PLAC8L1: variants seen among roughly 807,000 people sequenced by gnomAD.
PLAC8L1 encodes PLAC8-like protein 1.
PLAC8L1 carries 13 observed loss-of-function variants against 16.3 expected under a neutral mutation model. The observed-to-expected ratio is 0.80, with a 90% confidence interval of 0.52 to 1.27. PLAC8L1 has a LOEUF of 1.27. Among genes scored for constraint, PLAC8L1 ranks in the 50% most tolerant of loss-of-function variants. PLAC8L1 has a pLI of 0.00. For missense variants in PLAC8L1, 184 were observed against 220.2 expected, an observed-to-expected ratio of 0.84 and a Z score of 1.04; for synonymous variants, 78 against 79.3, an observed-to-expected ratio of 0.98 and a Z score of 0.09.
At chr5:146,089,984 C>G (rs1358009474) in intron 2 of PLAC8L1, among the ~76,000 whole-genome samples, 1 of 151,934 alleles carries the variant, frequency 6.6e-6, no homozygotes, top group Non-Finnish European at 1.5e-5. Flanking sequence ...GGTGATCCGC[C>G]CGCTTCAGCC....
intron 1 of PLAC8L1, 22 bp downstream of exon 1, chr5:146,104,170 GA>G: frequency 6.2e-7 from 1 of 1,610,836 alleles, no homozygotes. Context: ...AAAGCTAGGG[GA>G]AAAACTCACC....
rs762462372 is a variant in PLAC8L1, at chr5:146,085,504, G to A, written c.350C>T (p.Thr117Ile). The change falls in exon 3 of 4, where the codon ACC (threonine) becomes ATC (isoleucine). Residue 117 changes from threonine to isoleucine, a missense_variant. Physicochemically the swap from Thr to Ile is moderately conservative, Grantham distance 89 (BLOSUM62 -1). Transcript: ENST00000311450. ...CLCWPLLPGS[T>I]FALRIGTRER... ...CCTGGTGCCAATTCTCAGTGCAAAG[G>A]TGGACCCAGGTAACAACGGCCAACA... 130 of 1,613,984 alleles carry A rather than the reference G, an allele frequency of 8.1e-5. No individual in the cohort carries two copies. The highest frequency in any genetic ancestry group is 1.0e-4 in the Non-Finnish European group (122 of 1,180,026).
intron 2 of PLAC8L1, among the ~76,000 whole-genome samples, chr5:146,087,513 T>C (rs1763536788): frequency 6.6e-6 from 1 of 152,200 alleles, no homozygotes; most frequent in South Asian, 2.1e-4. Flanking sequence ...ATTTTGTTTA[T>C]TTATTTATGT....
chr5:146,103,139 A>T (rs1478727098), intron 1 of PLAC8L1, among the ~76,000 whole-genome samples: 1 of 152,148 alleles, frequency 6.6e-6, no homozygotes. Context: ...GATTGCTTAA[A>T]TCCATGAGCA....
chr5:146,095,584 A>G (rs931317295), intron 2 of PLAC8L1, among the ~76,000 whole-genome samples: 2 of 152,218 alleles, frequency 1.3e-5, no homozygotes, highest in Non-Finnish European at 2.9e-5. Flanking sequence ...TTTTTTTTAA[A>G]TAACAGTAGT....
intron 1 of PLAC8L1, among the ~76,000 whole-genome samples, chr5:146,102,113 C>T (rs904197475): frequency 2.8e-5 from 4 of 142,536 alleles, no homozygotes; most frequent in African/African-American, 1.0e-4. Flanking sequence ...TGGAGTTGAG[C>T]GGCATGATCA....
intron 2 of PLAC8L1, among the ~76,000 whole-genome samples, chr5:146,097,449 A>G (rs1194552369): frequency 2.6e-5 from 4 of 152,040 alleles, no homozygotes; most frequent in Non-Finnish European, 4.4e-5. Context: ...CTATCCATTA[A>G]CCTCCCATCT....
intron 2 of PLAC8L1, among the ~76,000 whole-genome samples, chr5:146,088,847 A>T (rs937621525): frequency 6.6e-6 from 1 of 152,216 alleles, no homozygotes; most frequent in African/African-American, 2.4e-5. Context: ...ATTTACTGAG[A>T]GTACAGAGTA....
chr5:146,103,528 A>G (rs1250752690), intron 1 of PLAC8L1, among the ~76,000 whole-genome samples: 1 of 152,146 alleles, frequency 6.6e-6, no homozygotes, highest in Non-Finnish European at 1.5e-5. Context: ...CCCAGGACCA[A>G]GGGTTTTCCC....
At chr5:146,085,064 T>C (rs1309557921) in intron 3 of PLAC8L1, among the ~76,000 whole-genome samples, 1 of 140,826 alleles carries the variant, frequency 7.1e-6, no homozygotes, top group African/African-American at 2.4e-5. Context: ...TATACATATA[T>C]AGTCTTTTAA....
chr5:146,091,744 A>G (rs1006197738), intron 2 of PLAC8L1, among the ~76,000 whole-genome samples: 6 of 152,174 alleles, frequency 3.9e-5, no homozygotes, highest in East Asian at 1.9e-4. Flanking sequence ...CGCGGTTACA[A>G]TGAGCTGTAA....
intron 2 of PLAC8L1, among the ~76,000 whole-genome samples, chr5:146,094,902 A>C (rs1452592276): frequency 6.6e-6 from 1 of 152,224 alleles, no homozygotes; most frequent in Non-Finnish European, 1.5e-5. Context: ...CAGGATGGGA[A>C]TCTGGCATGG....
intron 2 of PLAC8L1, among the ~76,000 whole-genome samples, chr5:146,095,451 G>A (rs1392873089): frequency 3.3e-5 from 5 of 152,144 alleles, no homozygotes; most frequent in African/African-American, 1.2e-4. Flanking sequence ...GTATGGCTGA[G>A]GAGTGAGAAT....
In PLAC8L1 at chr5:146,085,494, C is replaced by T. The variant is rs145622374; in HGVS notation, c.360G>A (p.Leu120=). The T allele has an allele frequency of 8.8e-4, 1,424 of 1,613,988 alleles. 2 individuals carry two copies. The highest frequency in any genetic ancestry group is 1.0e-3 in the Non-Finnish European group (1,238 of 1,180,034). ...WPLLPGSTFA[L]RIGTRERHKI... Reference sequence around the variant, plus strand: ...TATGTCTCTCCCTGGTGCCAATTCTCAGTGCAAAGGTGGACCCAGGTAACA... The same window carrying T: ...TATGTCTCTCCCTGGTGCCAATTCTTAGTGCAAAGGTGGACCCAGGTAACA... The change falls in exon 3 of 4, where the codon CTG becomes CTA. Residue 120 remains leucine (L), a synonymous_variant. Transcript: ENST00000311450.
At chr5:146,100,270 G>A (rs1452751826) in intron 1 of PLAC8L1, among the ~76,000 whole-genome samples, 3 of 152,164 alleles carry the variant, frequency 2.0e-5, no homozygotes, top group Admixed American at 6.5e-5. Flanking sequence ...CAAACGGCTG[G>A]AAATGATGTA....
At position 146,085,446 on chromosome 5, in the gene PLAC8L1, T is replaced by C. The variant is rs764249472; in HGVS notation, c.393+15A>G. On this transcript the variant is annotated intron_variant, in intron 3 of 3. Coordinates refer to ENST00000311450, the MANE Select transcript of PLAC8L1 (RefSeq NM_001029869.3). The stretch of plus-strand genomic sequence containing the variant: ...ATACAGATTCGGGTTCACGTATACC[T>C]TCAAACACACTTACCTGTATTTTAT... 6.2e-7 allele frequency: 1 copy of C among 1,613,142 alleles called. No homozygotes were observed. Among genetic ancestry groups the C allele is most frequent in the Non-Finnish European group, 8.5e-7 (1 of 1,179,526 alleles).
At chr5:146,102,817 C>G (rs1034538153) in intron 1 of PLAC8L1, among the ~76,000 whole-genome samples, 20 of 152,206 alleles carry the variant, frequency 1.3e-4, no homozygotes, top group Non-Finnish European at 2.8e-4. Context: ...CTGGCCTCCT[C>G]CTCCATAAAA....
chr5:146,092,577 T>G (rs1250652536), intron 2 of PLAC8L1, among the ~76,000 whole-genome samples: 5 of 142,850 alleles, frequency 3.5e-5, no homozygotes, highest in Non-Finnish European at 7.5e-5. Context: ...AGTCTCACTC[T>G]GTCACCCAGG....
chr5:146,098,932 T>C lies in PLAC8L1; in HGVS notation c.120-640A>G, dbSNP rs562429097. On this transcript the variant is annotated intron_variant, in intron 1 of 3. Transcript: ENST00000311450. ...GTCTTGATATCAAATTACTGTATGATTGACCTAGTGGTGCCACAAAGTATA... is the reference window on the plus strand; with the variant it reads ...GTCTTGATATCAAATTACTGTATGACTGACCTAGTGGTGCCACAAAGTATA... 1.1e-4 allele frequency among the ~76,000 whole-genome samples: 16 copies of C among 152,326 alleles called. No homozygotes were observed. In the South Asian group the frequency reaches 2.9e-3, roughly 28 times the overall value.
Sources: allele counts gnomAD v4.1 joint callset (sites outside exome capture counted in the v4.1 genomes callset), GRCh38; gene constraint gnomAD v4.1.1; transcripts MANE v1.5; gene names NCBI Gene and HGNC (gene_info 2026-07-23, HGNC 2026-07-21).